PRKCH: variants seen among roughly 807,000 people sequenced by gnomAD.
PRKCH encodes protein kinase C eta, also known as protein kinase C eta type.
A neutral mutation model predicts 82.5 loss-of-function variants in PRKCH; 28 were observed. The ratio of observed to expected loss-of-function variants is 0.34; its 90% CI spans 0.25 to 0.47. PRKCH has a LOEUF of 0.47. Among genes scored for constraint, PRKCH ranks in the 20% least tolerant of loss-of-function variants. The probability of loss-of-function intolerance (pLI) is 1.00; values close to 1 mark genes in which losing one functional copy is unlikely to be tolerated. For synonymous variants in PRKCH, 322 were observed against 327.4 expected, an observed-to-expected ratio of 0.98 and a Z score of 0.18; for missense variants, 705 against 881.8, an observed-to-expected ratio of 0.80 and a Z score of 2.54.
chr14:61,501,985 A>G (rs968638639), intron 10 of PRKCH, among the ~76,000 whole-genome samples: 1 of 151,808 alleles, frequency 6.6e-6, no homozygotes, highest in Admixed American at 6.6e-5. Flanking sequence ...ATTTTTTCCT[A>G]AGTCTTTAGA....
At chr14:61,298,414 A>G (rs1375612907) in intron 1 of PRKCH, 1 of 152,226 alleles carries the variant, frequency 6.6e-6, no homozygotes, top group Non-Finnish European at 1.5e-5. Context: ...GATCTGAGTC[A>G]GGATCAACCT....
At chr14:61,371,406 A>G (rs2046363067) in intron 1 of PRKCH, among the ~76,000 whole-genome samples, 2 of 152,008 alleles carry the variant, frequency 1.3e-5, no homozygotes, top group African/African-American at 2.4e-5. Flanking sequence ...ATACCACATC[A>G]TGTTTATATG....
At chr14:61,350,132 G>C (rs987205365) in intron 1 of PRKCH, among the ~76,000 whole-genome samples, 22 of 152,070 alleles carry the variant, frequency 1.4e-4, no homozygotes, top group African/African-American at 5.1e-4. Flanking sequence ...TGCTTTATAT[G>C]CTGTCTCTTG....
intron 12 of PRKCH, among the ~76,000 whole-genome samples, chr14:61,540,914 T>C (rs1420842779): frequency 6.6e-6 from 1 of 152,248 alleles, no homozygotes; most frequent in East Asian, 1.9e-4. Context: ...TTGGGAAGAT[T>C]ACAGTTTGTT....
chr14:61,250,429 C>T (rs1296485300), intron 1 of PRKCH, among the ~76,000 whole-genome samples: 2 of 151,922 alleles, frequency 1.3e-5, no homozygotes, highest in African/African-American at 4.8e-5. Flanking sequence ...AGCTATTAAG[C>T]CATGAAAAGA....
At chr14:61,400,897 A>T (rs1157755242) in intron 2 of PRKCH, among the ~76,000 whole-genome samples, 1 of 152,206 alleles carries the variant, frequency 6.6e-6, no homozygotes, top group Non-Finnish European at 1.5e-5. Context: ...GAGCCCAGAC[A>T]CAAGCTCAGA....
chr14:61,371,877 A>T (rs748661791), intron 1 of PRKCH, among the ~76,000 whole-genome samples: 7 of 151,820 alleles, frequency 4.6e-5, no homozygotes, highest in Non-Finnish European at 7.4e-5. Context: ...TCTGCTTGGG[A>T]GATTTGTCTA....
At chr14:61,393,485 A>C (rs1413688448) in intron 2 of PRKCH, among the ~76,000 whole-genome samples, 1 of 152,208 alleles carries the variant, frequency 6.6e-6, no homozygotes. Flanking sequence ...TAGAAATCCC[A>C]AGGTGTTTTA....
At chr14:61,530,951 C>G (rs2043037694) in intron 12 of PRKCH, among the ~76,000 whole-genome samples, 1 of 152,186 alleles carries the variant, frequency 6.6e-6, no homozygotes, top group South Asian at 2.1e-4. Flanking sequence ...AATGCCATTC[C>G]CAGCCTGTTA....
chr14:61,251,075 A>G (rs1007327593), intron 1 of PRKCH, among the ~76,000 whole-genome samples: 1 of 152,112 alleles, frequency 6.6e-6, no homozygotes, highest in Non-Finnish European at 1.5e-5. Context: ...AGGTGTATAT[A>G]TTTTGTGGGT....
At chr14:61,454,377 AC>A (rs1168202037) in intron 7 of PRKCH, among the ~76,000 whole-genome samples, 2 of 152,204 alleles carry the variant, frequency 1.3e-5, no homozygotes, top group Non-Finnish European at 2.9e-5. Flanking sequence ...TGCTGGAATT[AC>A]AGGCATGAGC....
At chr14:61,297,269 G>C (rs915122539) in intron 1 of PRKCH, among the ~76,000 whole-genome samples, 2 of 152,202 alleles carry the variant, frequency 1.3e-5, no homozygotes, top group African/African-American at 4.8e-5. Context: ...CAATGTTACA[G>C]TTTATTAAGG....
chr14:61,253,592 A>C (rs1384776349), intron 1 of PRKCH, among the ~76,000 whole-genome samples: 1 of 152,214 alleles, frequency 6.6e-6, no homozygotes, highest in African/African-American at 2.4e-5. Flanking sequence ...ATGCATTAAA[A>C]TATGCTCAAG....
chr14:61,486,638 GCT>G (rs1886237126), intron 10 of PRKCH, among the ~76,000 whole-genome samples: 1 of 150,874 alleles, frequency 6.6e-6, no homozygotes, highest in African/African-American at 2.4e-5. Flanking sequence ...TTGCACATAT[GCT>G]CTTTTTTCTT....
chr14:61,541,032 C>T (rs2043177530), intron 12 of PRKCH, among the ~76,000 whole-genome samples: 1 of 152,252 alleles, frequency 6.6e-6, no homozygotes, highest in Non-Finnish European at 1.5e-5. Context: ...AAATGTCTGT[C>T]ACTGCCTTCT....
intron 3 of PRKCH, among the ~76,000 whole-genome samples, chr14:61,443,713 A>AG (rs1410432259): frequency 5.9e-5 from 9 of 152,338 alleles, no homozygotes; most frequent in Non-Finnish European, 1.2e-4. Context: ...TATGTAACAG[A>AG]AGATAATAGC....
chr14:61,239,923 A>G (rs2044821384), intron 1 of PRKCH, among the ~76,000 whole-genome samples: 1 of 152,220 alleles, frequency 6.6e-6, no homozygotes, highest in South Asian at 2.1e-4. Flanking sequence ...TAGCTATTAC[A>G]GATAGCAATA....
Position 61,322,436 on chromosome 14 carries a change from C to T in PRKCH, c.335C>T (p.Thr112Ile), listed in dbSNP as rs2045639020. 6.3e-7 allele frequency: 1 copy of T among 1,597,478 alleles called. No homozygotes were observed. Among genetic ancestry groups the T allele is most frequent in the South Asian group, 1.1e-5 (1 of 90,842 alleles). ...CAGTTCCAGGAGCTGCTGCGCACGA[C>T]CGGCGCCTCGGACACCTTCGAGGGT... ...TLQFQELLRTTGASDTFEGWV... is the reference protein window; with the variant it reads ...TLQFQELLRTIGASDTFEGWV... The change falls in exon 1 of 14, where the codon ACC becomes ATC. Residue 112 changes from threonine (T) to isoleucine (I), a missense_variant. By Grantham distance (89) the Thr-to-Ile change is moderately conservative. This residue lies in a region of PRKCH where 246 missense variants were observed against 308.0 expected (regional missense o/e 0.80). Transcript: ENST00000332981.
intron 10 of PRKCH, among the ~76,000 whole-genome samples, chr14:61,524,284 C>T (rs970350036): frequency 1.3e-5 from 2 of 152,200 alleles, no homozygotes; most frequent in Non-Finnish European, 2.9e-5. Context: ...CTACTGTGGG[C>T]ATTTTAAGTA....
Sources: allele counts gnomAD v4.1 joint callset (sites outside exome capture counted in the v4.1 genomes callset), GRCh38; gene constraint gnomAD v4.1.1; regional missense constraint gnomAD v4.1.1; transcripts MANE v1.5; gene names NCBI Gene and HGNC (gene_info 2026-07-23, HGNC 2026-07-21).